The following MBTPS1 variants were observed in gnomAD, a reference collection of about 807,000 sequenced individuals.
MBTPS1 encodes the protein membrane bound transcription factor peptidase, site 1.
In MBTPS1, 94 loss-of-function variants were observed where a neutral mutation model predicts 127.8. The ratio of observed to expected loss-of-function variants is 0.74; its 90% CI spans 0.62 to 0.87. The LOEUF (loss-of-function observed/expected upper bound fraction) is 0.87, where lower values mean the gene tolerates loss of function less well. Among genes scored for constraint, MBTPS1 ranks in the 40% least tolerant of loss-of-function variants. The probability of loss-of-function intolerance (pLI) is 0.00; values close to 1 mark genes in which losing one functional copy is unlikely to be tolerated. For synonymous variants in MBTPS1, 632 were observed against 509.4 expected, an observed-to-expected ratio of 1.24 and a Z score of -3.24; for missense variants, 1,636 against 1,353.2, an observed-to-expected ratio of 1.21 and a Z score of -3.28.
intron 1 of MBTPS1, among the ~76,000 whole-genome samples, chr16:84,116,232 G>A (rs2086475297): frequency 6.6e-6 from 1 of 152,220 alleles, no homozygotes; most frequent in Non-Finnish European, 1.5e-5. Context: ...ACGGTCTTAG[G>A]TAGCGCAACC....
rs180690850 is a variant in MBTPS1 at position 84,095,479 on chromosome 16, G to T, written c.625+123C>A. The T allele has an allele frequency of 1.7e-3, 1,746 of 999,814 alleles. 5 individuals are homozygous for T. Among genetic ancestry groups the T allele is most frequent in the Admixed American group, 2.4e-3 (107 of 44,778 alleles). 61.9% of individuals were successfully genotyped at this position (999,814 alleles called of 1,614,324 possible). A position where few individuals can be genotyped will look rare whatever the true frequency, so the allele number is the denominator to read the frequency against. On this transcript the variant is annotated intron_variant, in intron 4 of 22. Transcript: ENST00000343411. ...GAAGGTTAGATGTGGAAGGCTGCAG[G>T]GCTTTAGCACTAGGCAGTCCCGAAC...
At chr16:84,110,678 T>C (rs2086385599) in intron 1 of MBTPS1, 1 of 152,202 alleles carries the variant, frequency 6.6e-6, no homozygotes, top group South Asian at 2.1e-4. Flanking sequence ...CACTTTCAGA[T>C]GAGAACTGAG....
chr16:84,092,574 G>A (rs1217946230), intron 6 of MBTPS1, among the ~76,000 whole-genome samples: 2 of 152,168 alleles, frequency 1.3e-5, no homozygotes, highest in African/African-American at 4.8e-5. Context: ...CCTGCTGGAC[G>A]GGGACAGGGG....
rs1273796430 is a variant in MBTPS1, at chr16:84,101,296, T to A, written c.163+325A>T. Among the ~76,000 whole-genome samples, 7 of 151,694 alleles carry A rather than the reference T, an allele frequency of 4.6e-5. No individual in the cohort carries two copies. In the East Asian group the frequency reaches 1.2e-3, roughly 25 times the overall value. On this transcript the variant is annotated intron_variant, in intron 2 of 22. Transcript: ENST00000343411. ...GCCTCAGCAACAGAGTGAGACTCCA[T>A]CTCAAAAACAAAACAAAACAAAACA...
Position 84,067,498 on chromosome 16 carries a change from G to A in MBTPS1, c.2228+169C>T, listed in dbSNP as rs574756362. Among the ~76,000 whole-genome samples, 5 of 152,238 alleles carry A rather than the reference G, an allele frequency of 3.3e-5. No individual in the cohort carries two copies. In the East Asian group the frequency reaches 7.7e-4, roughly 24 times the overall value. ...CTTCCAAAGTGCTGGGATTACAGGC[G>A]TGAGCAACCGCACTCAGTCGAAAGG... On this transcript the variant is annotated intron_variant, in intron 16 of 22. Coordinates refer to ENST00000343411, the MANE Select transcript of MBTPS1 (RefSeq NM_003791.4).
intron 11 of MBTPS1, 32 bp from the exon 12 acceptor site, chr16:84,074,773 C>T (rs1204083726): frequency 6.3e-7 from 1 of 1,590,578 alleles, no homozygotes. Context: ...TAGAGTAGAT[C>T]ATATGAGAAA....
At chr16:84,110,022 T>C (rs1180713803) in intron 1 of MBTPS1, among the ~76,000 whole-genome samples, 1 of 152,186 alleles carries the variant, frequency 6.6e-6, no homozygotes, top group Non-Finnish European at 1.5e-5. Flanking sequence ...GTTCAGCCTG[T>C]TTCCAAAACA....
intron 21 of MBTPS1, among the ~76,000 whole-genome samples, chr16:84,058,203 G>A (rs996609927): frequency 1.3e-5 from 2 of 152,228 alleles, no homozygotes; most frequent in Admixed American, 6.5e-5. Flanking sequence ...AAGCATATTC[G>A]AAATGAAGAC....
chr16:84,081,877 CG>C lies in MBTPS1; in HGVS notation c.1317del (p.Ala440ProfsTer3). The C allele has an allele frequency of 6.8e-7, 1 of 1,478,908 alleles. No homozygotes were observed. The highest frequency in any genetic ancestry group is 1.4e-5 in the South Asian group (1 of 71,210). 91.6% of individuals were successfully genotyped at this position (1,478,908 alleles called of 1,614,324 possible). On this transcript the variant is annotated frameshift_variant, in exon 11 of 23. Transcript: ENST00000343411. LOFTEE classifies it high-confidence loss of function. ...GCGATCAGGGCCTGCTTCATACTGGCGGGATTCACCAGCTCACGCTTCTGGA... is the reference window on the plus strand; with the variant it reads ...GCGATCAGGGCCTGCTTCATACTGGCGGATTCACCAGCTCACGCTTCTGGA... ...STVQKRELVN[P>X]ASMKQALIAS... is the part of the protein sequence containing the mutation.
chr16:84,093,917 A>G (rs2086145061), intron 4 of MBTPS1, 96 bp from the exon 5 acceptor site: 1 of 904,084 alleles, frequency 1.1e-6, no homozygotes, highest in Non-Finnish European at 1.8e-6. Context: ...ACCCACAGAA[A>G]ATGACATATT....
At position 84,066,533 on chromosome 16, in the gene MBTPS1, C is replaced by G. The variant is rs751322831; in HGVS notation, c.2309G>C (p.Ser770Thr). Residue 770 changes from serine to threonine, a missense_variant, in exon 17 of 23, where the codon AGC (serine) becomes ACC (threonine). Coordinates refer to ENST00000343411, the MANE Select transcript of MBTPS1 (RefSeq NM_003791.4). ...ELLSVWNMGF[S>T]DGLYEGEFTL... ...GAACTCCCCTTCATACAGGCCATCG[C>G]TGAACCCCATGTTCCACACAGACAG... is the stretch of plus-strand genomic sequence containing the variant. The G allele has an allele frequency of 1.9e-6, 3 of 1,614,190 alleles. No individual in the cohort carries two copies. Among genetic ancestry groups the G allele is most frequent in the Non-Finnish European group, 8.5e-7 (1 of 1,180,030 alleles).
chr16:84,106,603 A>G (rs1371957374), intron 1 of MBTPS1, among the ~76,000 whole-genome samples: 1 of 152,238 alleles, frequency 6.6e-6, no homozygotes, highest in African/African-American at 2.4e-5. Flanking sequence ...ACCGGGAGAC[A>G]GCCCAGGGAA....
At chr16:84,076,746 G>A (rs2085859336) in intron 11 of MBTPS1, among the ~76,000 whole-genome samples, 1 of 152,058 alleles carries the variant, frequency 6.6e-6, no homozygotes, top group Non-Finnish European at 1.5e-5. Context: ...AAAACCTCCT[G>A]GAAGACACAC....
chr16:84,092,648 C>T (rs1041759425), intron 6 of MBTPS1, among the ~76,000 whole-genome samples: 157 of 152,222 alleles, frequency 1.0e-3, no homozygotes, highest in Non-Finnish European at 1.0e-4. Flanking sequence ...CAAAAATTAA[C>T]CTTAAAAAAT....
intron 1 of MBTPS1, among the ~76,000 whole-genome samples, chr16:84,105,971 T>A (rs1398761272): frequency 6.6e-6 from 1 of 152,094 alleles, no homozygotes; most frequent in Non-Finnish European, 1.5e-5. Flanking sequence ...ACATACAGTA[T>A]TTAGCTGGTG....
intron 11 of MBTPS1, chr16:84,081,508 C>A (rs970541630): frequency 4.9e-5 from 16 of 324,876 alleles, no homozygotes; most frequent in Middle Eastern, 1.6e-3. Flanking sequence ...AGCAAAAAAA[C>A]CACTCAGAAA....
intron 1 of MBTPS1, among the ~76,000 whole-genome samples, chr16:84,107,161 A>C (rs2086335058): frequency 6.6e-6 from 1 of 152,226 alleles, no homozygotes; most frequent in Non-Finnish European, 1.5e-5. Context: ...AACCAAAATC[A>C]GTGGGAAATA....
At position 84,104,291 on chromosome 16, in the gene MBTPS1, G is replaced by T. The variant is rs117210299; in HGVS notation, c.-324-2184C>A. 3.5e-3 allele frequency among the ~76,000 whole-genome samples: 530 copies of T among 152,130 alleles called. 3 individuals carry two copies. Among genetic ancestry groups the T allele is most frequent in the Admixed American group, 6.0e-3 (91 of 15,256 alleles). The stretch of plus-strand genomic sequence containing the variant: ...AGCCCAGAGGTTTGAGACCAGCCTG[G>T]GCAACGTGGAGAAACCTCATCTCTA... On this transcript the variant is annotated intron_variant, in intron 1 of 22. Transcript: ENST00000343411.
At chr16:84,108,336 C>G (rs1456534130) in intron 1 of MBTPS1, among the ~76,000 whole-genome samples, 1 of 152,228 alleles carries the variant, frequency 6.6e-6, no homozygotes, top group African/African-American at 2.4e-5. Context: ...ACGACCTCTG[C>G]TCACTGCAAC....
Sources: allele counts gnomAD v4.1 joint callset (sites outside exome capture counted in the v4.1 genomes callset), GRCh38; gene constraint gnomAD v4.1.1; transcripts MANE v1.5; gene names NCBI Gene and HGNC (gene_info 2026-07-23, HGNC 2026-07-21).